The following PDE2A variants were observed in gnomAD, a reference collection of about 807,000 sequenced individuals.
PDE2A encodes cGMP-dependent 3',5'-cyclic phosphodiesterase.
A neutral mutation model predicts 133.6 loss-of-function variants in PDE2A; 53 were observed. That is an observed-to-expected ratio of 0.40 (90% CI 0.32 to 0.50). The LOEUF (loss-of-function observed/expected upper bound fraction) is 0.50, where lower values mean the gene tolerates loss of function less well. Among genes scored for constraint, PDE2A ranks in the 20% least tolerant of loss-of-function variants. The probability of loss-of-function intolerance (pLI) is 0.73; values close to 1 mark genes in which losing one functional copy is unlikely to be tolerated. For synonymous variants in PDE2A, 491 were observed against 490.2 expected, an observed-to-expected ratio of 1.00 and a Z score of -0.02; for missense variants, 796 against 1,232.4, an observed-to-expected ratio of 0.65 and a Z score of 5.30.
chr11:72,640,105 T>G (rs1858889361), intron 2 of PDE2A, among the ~76,000 whole-genome samples: 1 of 151,512 alleles, frequency 6.6e-6, no homozygotes, highest in African/African-American at 2.4e-5. Flanking sequence ...AAAGATCACA[T>G]AATTCACACG....
In PDE2A at chr11:72,584,787, C is replaced by G. The variant is rs574619848; in HGVS notation, c.1360-59G>C. The G allele has an allele frequency of 3.1e-5, 50 of 1,610,034 alleles. 1 individual carries two copies. The South Asian group carries it at 5.5e-4, about 18-fold the overall frequency. ...GTTAGTGACCCGGCCACAGAGGGGACTGTTAAACCTCGGGCCGCTCCCCAG... is the reference window on the plus strand; with the variant it reads ...GTTAGTGACCCGGCCACAGAGGGGAGTGTTAAACCTCGGGCCGCTCCCCAG... On this transcript the variant is annotated intron_variant, in intron 17 of 30. Coordinates refer to ENST00000334456, the MANE Select transcript of PDE2A (RefSeq NM_002599.5).
chr11:72,610,783 G>A (rs915696222), intron 2 of PDE2A, among the ~76,000 whole-genome samples: 3 of 152,112 alleles, frequency 2.0e-5, no homozygotes, highest in South Asian at 2.1e-4. Flanking sequence ...CAGATCCCAC[G>A]TCCTCGCAGA....
chr11:72,620,814 G>A (rs1280560994), intron 2 of PDE2A, among the ~76,000 whole-genome samples: 2 of 151,942 alleles, frequency 1.3e-5, no homozygotes, highest in Non-Finnish European at 1.5e-5. Flanking sequence ...GGGGGCAGGA[G>A]TGAGTGGGCA....
intron 25 of PDE2A, among the ~76,000 whole-genome samples, chr11:72,580,277 T>A (rs1397928465): frequency 1.3e-5 from 2 of 152,030 alleles, no homozygotes; most frequent in African/African-American, 4.8e-5. Flanking sequence ...AACCAAACAA[T>A]CTAAGGTGAC....
intron 2 of PDE2A, among the ~76,000 whole-genome samples, chr11:72,638,935 G>C (rs909363455): frequency 6.6e-6 from 1 of 152,160 alleles, no homozygotes; most frequent in Non-Finnish European, 1.5e-5. Context: ...TCAGCCCCAG[G>C]CTGCATTTCT....
chr11:72,634,433 A>G (rs1458411614), intron 2 of PDE2A, among the ~76,000 whole-genome samples: 1 of 152,128 alleles, frequency 6.6e-6, no homozygotes, highest in Non-Finnish European at 1.5e-5. Flanking sequence ...GTGGGCAAAA[A>G]GGAACACCCA....
intron 2 of PDE2A, 37 bp from the exon 3 acceptor site, chr11:72,608,788 G>GAAGAGAGGGAAGA (rs2135361511): frequency 1.7e-6 from 2 of 1,146,294 alleles, no homozygotes; most frequent in East Asian, 5.0e-5. Context: ...GGCTTTGCCA[G>GAAGAGAGGGAAGA]GCAGGCCAGG....
chr11:72,625,030 G>A (rs1482232266), intron 2 of PDE2A, among the ~76,000 whole-genome samples: 1 of 152,198 alleles, frequency 6.6e-6, no homozygotes, highest in Non-Finnish European at 1.5e-5. Flanking sequence ...GTTGCCCCAT[G>A]TCACGGCTGT....
At chr11:72,619,359 G>C (rs930090161) in intron 2 of PDE2A, among the ~76,000 whole-genome samples, 1 of 152,190 alleles carries the variant, frequency 6.6e-6, no homozygotes, top group Non-Finnish European at 1.5e-5. Flanking sequence ...CATGTGTGCA[G>C]CCTGCCCATT....
rs201081567 is a variant in PDE2A, at chr11:72,669,393, TG to T, written c.71+4743del. ...CCCAGTTGCCTCCTGTTTTTCGGGG[TG>T]GGGGGGCAGTGAGAAGGGTGACTTC... On this transcript the variant is annotated intron_variant, in intron 1 of 30. Coordinates refer to ENST00000334456, the MANE Select transcript of PDE2A (RefSeq NM_002599.5). Among the ~76,000 whole-genome samples, 6 of 151,694 alleles carry T rather than the reference TG, an allele frequency of 4.0e-5. No homozygotes were observed. In the South Asian group the frequency reaches 1.0e-3, roughly 26 times the overall value.
chr11:72,625,796 C>A (rs569254801), intron 2 of PDE2A, among the ~76,000 whole-genome samples: 1 of 152,248 alleles, frequency 6.6e-6, no homozygotes, highest in Admixed American at 6.5e-5. Flanking sequence ...CCAGCAAGGG[C>A]GCTGCCAAGC....
At chr11:72,663,728 A>G (rs1855146164) in intron 1 of PDE2A, among the ~76,000 whole-genome samples, 2 of 37,466 alleles carry the variant, frequency 5.3e-5, no homozygotes, top group African/African-American at 1.7e-4. Flanking sequence ...GACTGTCTCA[A>G]AAAAAAAAAA....
intron 6 of PDE2A, among the ~76,000 whole-genome samples, chr11:72,596,050 T>C (rs1214583287): frequency 6.6e-6 from 1 of 152,114 alleles, no homozygotes; most frequent in African/African-American, 2.4e-5. Flanking sequence ...GGCCTGACCA[T>C]GGCCTTTCTC....
At chr11:72,626,099 C>A (rs534780801) in intron 2 of PDE2A, among the ~76,000 whole-genome samples, 1 of 152,390 alleles carries the variant, frequency 6.6e-6, no homozygotes, top group Admixed American at 6.5e-5. Context: ...CCTCCCTGGG[C>A]CTAGGCCTTG....
chr11:72,652,410 C>A (rs551075080), intron 1 of PDE2A: 202 of 438,876 alleles, frequency 4.6e-4, no homozygotes, highest in Middle Eastern at 4.3e-3. Flanking sequence ...TGGCACCCAG[C>A]TTGGCCTGGC....
At chr11:72,637,184 G>C (rs917289733) in intron 2 of PDE2A, among the ~76,000 whole-genome samples, 1 of 152,168 alleles carries the variant, frequency 6.6e-6, no homozygotes, top group African/African-American at 2.4e-5. Flanking sequence ...TCCCACTCTG[G>C]GCTGAAATAG....
Position 72,584,636 on chromosome 11 carries a change from A to G in PDE2A, c.1452T>C (p.His484=), listed in dbSNP as rs1367823739. 2 of 1,613,346 alleles carry G rather than the reference A, an allele frequency of 1.2e-6. No individual in the cohort carries two copies. The highest frequency in any genetic ancestry group is 2.2e-5 in the East Asian group (1 of 44,880). The change falls in exon 18 of 31, where the codon CAT becomes CAC. Residue 484 remains histidine, a synonymous_variant. Coordinates refer to ENST00000334456, the MANE Select transcript of PDE2A (RefSeq NM_002599.5). ...QILNIPDAYA[H]PLFYRGVDDS... ...CGTCCACGCCGCGGTAGAAAAGCGG[A>G]TGGGCATATGCGTCAGGGATGTTCA...
At chr11:72,612,383 C>G (rs1017289375) in intron 2 of PDE2A, among the ~76,000 whole-genome samples, 1 of 151,384 alleles carries the variant, frequency 6.6e-6, no homozygotes, top group Non-Finnish European at 1.5e-5. Flanking sequence ...CTTTTTGGAA[C>G]AAATATCAGT....
intron 2 of PDE2A, among the ~76,000 whole-genome samples, chr11:72,633,008 G>C (rs1265409792): frequency 6.6e-6 from 1 of 152,056 alleles, no homozygotes; most frequent in Non-Finnish European, 1.5e-5. Context: ...CCTATCTCCT[G>C]TACATAGGCC....
Sources: allele counts gnomAD v4.1 joint callset (sites outside exome capture counted in the v4.1 genomes callset), GRCh38; gene constraint gnomAD v4.1.1; transcripts MANE v1.5; gene names NCBI Gene and HGNC (gene_info 2026-07-23, HGNC 2026-07-21).